The following MIB1 variants were observed in gnomAD, a reference collection of about 807,000 sequenced individuals.
The protein encoded by MIB1 is E3 ubiquitin-protein ligase MIB1.
A neutral mutation model predicts 124.5 loss-of-function variants in MIB1; 278 were observed. The ratio of observed to expected loss-of-function variants is 2.23; its 90% CI spans 2.02 to 2.47. The LOEUF (loss-of-function observed/expected upper bound fraction) is 2.47, where lower values mean the gene tolerates loss of function less well. Ranked by LOEUF, MIB1 falls within the 30% of genes most tolerant of loss-of-function variation. The pLI is 0.00. For synonymous variants in MIB1, 446 were observed against 429.4 expected (o/e 1.04, Z -0.48); for missense variants, 957 against 1,254.4 (o/e 0.76, Z 3.58).
At position 21,717,351 on chromosome 18, in the gene MIB1, C is replaced by T. The variant is rs969760425; in HGVS notation, n.167+12228C>T. ...TTGGCTTAGGCAAGGATTTCATGAC[C>T]AAGAACCCAAAAGCAAACACAATAA... On this transcript the variant is annotated intron_variant and non_coding_transcript_variant, in intron 1 of 20. Transcript: ENST00000578646. Among the ~76,000 whole-genome samples, 6 of 152,186 alleles carry T rather than the reference C, an allele frequency of 3.9e-5. No homozygotes were observed. The South Asian group carries it at 1.2e-3, about 32-fold the overall frequency.
intron 1 of MIB1, among the ~76,000 whole-genome samples, chr18:21,714,536 A>T: frequency 6.6e-6 from 1 of 152,012 alleles, no homozygotes; most frequent in Non-Finnish European, 1.5e-5. Context: ...GGTCCTTGGG[A>T]GTTAGTCTCA....
intron 1 of MIB1, among the ~76,000 whole-genome samples, chr18:21,746,477 T>A (rs1438238819): frequency 6.6e-6 from 1 of 152,238 alleles, no homozygotes. Flanking sequence ...TCATTTGTAG[T>A]GAGCAAGAAG....
intron 3 of MIB1, 37 bp from the exon 4 acceptor site, chr18:21,773,586 CT>C: frequency 1.4e-6 from 2 of 1,424,776 alleles, no homozygotes; most frequent in Non-Finnish European, 2.0e-6. Flanking sequence ...CTTCCCTCCC[CT>C]TTAAAAAACT....
intron 1 of MIB1, among the ~76,000 whole-genome samples, chr18:21,742,916 T>A (rs1225830115): frequency 6.6e-6 from 1 of 152,208 alleles, no homozygotes; most frequent in East Asian, 1.9e-4. Flanking sequence ...AAAATTGTGT[T>A]CCTTAGCTGG....
chr18:21,768,399 G>T (rs984452610), intron 2 of MIB1, among the ~76,000 whole-genome samples: 3 of 152,090 alleles, frequency 2.0e-5, no homozygotes, highest in African/African-American at 7.2e-5. Flanking sequence ...TATAATAAAA[G>T]CTTAGTAAAA....
chr18:21,853,895 C>T (rs1212852356), intron 18 of MIB1, among the ~76,000 whole-genome samples: 3 of 150,968 alleles, frequency 2.0e-5, no homozygotes, highest in East Asian at 1.9e-4. Flanking sequence ...GGCACAGTCT[C>T]GCTCTGTCAC....
chr18:21,744,097 GTTTTT>G (rs768951212), intron 1 of MIB1, among the ~76,000 whole-genome samples: 44 of 121,222 alleles, frequency 3.6e-4, no homozygotes, highest in Non-Finnish European at 5.2e-4. Flanking sequence ...ATTCTTCAGG[GTTTTT>G]TTTTTTTTTT....
intron 10 of MIB1, among the ~76,000 whole-genome samples, chr18:21,814,104 A>G (rs1447830585): frequency 6.6e-6 from 1 of 152,128 alleles, no homozygotes; most frequent in Non-Finnish European, 1.5e-5. Flanking sequence ...AAAAAATTTA[A>G]GCAATTTGGT....
intron 6 of MIB1, among the ~76,000 whole-genome samples, chr18:21,782,153 G>A (rs10853694): frequency 0.68 from 102,742 of 151,886 alleles, 35,230 homozygotes; most frequent in East Asian, 0.9. Context: ...ACGAAGTTTC[G>A]CTCTTGTTGC....
At chr18:21,747,216 C>T (rs1426525353) in intron 1 of MIB1, among the ~76,000 whole-genome samples, 1 of 152,166 alleles carries the variant, frequency 6.6e-6, no homozygotes, top group African/African-American at 2.4e-5. Flanking sequence ...TTTATTTCCT[C>T]CACTAAAACA....
At chr18:21,831,119 A>C (rs1272492533) in intron 12 of MIB1, 1 of 151,496 alleles carries the variant, frequency 6.6e-6, no homozygotes, top group African/African-American at 2.4e-5. Context: ...AAAAAAAAAA[A>C]ACAAAAACAG....
chr18:21,777,953 T>C lies in MIB1; in HGVS notation c.637-150T>C, dbSNP rs1223284136. 4 of 566,426 alleles carry C rather than the reference T, an allele frequency of 7.1e-6. 1 individual carries two copies. In the South Asian group the frequency reaches 9.6e-5, roughly 14 times the overall value. The allele number at this position is 566,426 out of a possible 1,614,324, so 35.1% of individuals were successfully genotyped here. Reference sequence around the variant, plus strand: ...TCAGGTTTCTAGTTTTTACAAGTACTTTTGAAAGCAGTGTTTAGTGTGATT... The same window carrying C: ...TCAGGTTTCTAGTTTTTACAAGTACCTTTGAAAGCAGTGTTTAGTGTGATT... On this transcript the variant is annotated intron_variant, in intron 4 of 20. Coordinates refer to ENST00000261537, the MANE Select transcript of MIB1 (RefSeq NM_020774.4).
intron 1 of MIB1, among the ~76,000 whole-genome samples, chr18:21,732,351 T>TACACAC (rs59731612): frequency 0.21 from 29,416 of 140,816 alleles, 3,677 homozygotes; most frequent in Non-Finnish European, 0.29. Context: ...ATTATATGTA[T>TACACAC]ACACACACAC....
chr18:21,728,080 T>C (rs1366364080), intron 1 of MIB1, among the ~76,000 whole-genome samples: 4 of 152,244 alleles, frequency 2.6e-5, no homozygotes, highest in African/African-American at 9.6e-5. Flanking sequence ...AGGAAACTAA[T>C]ATGCAGTTAG....
At chr18:21,719,000 C>T (rs933337974) in intron 1 of MIB1, among the ~76,000 whole-genome samples, 7 of 152,016 alleles carry the variant, frequency 4.6e-5, no homozygotes, top group African/African-American at 1.7e-4. Flanking sequence ...ACCAGCCTGA[C>T]CAACATGGAG....
At chr18:21,735,095 CA>C (rs2146366664) in intron 1 of MIB1, among the ~76,000 whole-genome samples, 1 of 152,282 alleles carries the variant, frequency 6.6e-6, no homozygotes, top group East Asian at 1.9e-4. Flanking sequence ...TGCTGGCTGG[CA>C]AGGTGGCCAA....
At chr18:21,748,730 CTTTTTTTTT>C (rs557338460) in intron 1 of MIB1, among the ~76,000 whole-genome samples, 1 of 107,136 alleles carries the variant, frequency 9.3e-6, no homozygotes. Context: ...CATGCCCAGC[CTTTTTTTTT>C]TTTTTTTTTT....
intron 13 of MIB1, among the ~76,000 whole-genome samples, chr18:21,840,848 C>G (rs2042082125): frequency 6.6e-6 from 1 of 151,338 alleles, no homozygotes; most frequent in East Asian, 1.9e-4. Flanking sequence ...AAACAAAAAA[C>G]AAACACAAAA....
intron 18 of MIB1, among the ~76,000 whole-genome samples, chr18:21,853,982 C>G (rs1301170691): frequency 1.4e-5 from 2 of 141,538 alleles, no homozygotes; most frequent in African/African-American, 5.2e-5. Flanking sequence ...CTCGTGTCCT[C>G]CGCCTAGGCA....
Sources: gnomAD v4.1 joint callset for allele counts (sites outside exome capture counted in the v4.1 genomes callset) on GRCh38, gnomAD v4.1.1 for gene constraint, MANE v1.5 for transcripts, NCBI Gene and HGNC (gene_info 2026-07-23, HGNC 2026-07-21) for gene names.